The following ABCA13 variants were observed in gnomAD, a reference collection of about 807,000 sequenced individuals.
ABCA13 encodes the protein ATP binding cassette subfamily A member 13.
Under a neutral mutation model 478.7 loss-of-function variants are expected in ABCA13, and 476 were observed. The ratio of observed to expected loss-of-function variants is 0.99; its 90% CI spans 0.92 to 1.07. ABCA13 has a LOEUF of 1.07. Among genes scored for constraint, ABCA13 ranks in the 50% least tolerant of loss-of-function variants. The pLI is 0.00. For missense variants in ABCA13, 6,060 were observed against 5,910.6 expected, an observed-to-expected ratio of 1.03 and a Z score of -0.83; for synonymous variants, 2,252 against 2,158.9, an observed-to-expected ratio of 1.04 and a Z score of -1.20.
chr7:48,523,899 C>T (rs2130999713), intron 53 of ABCA13, among the ~76,000 whole-genome samples: 1 of 152,238 alleles, frequency 6.6e-6, no homozygotes, highest in East Asian at 1.9e-4. Flanking sequence ...GTAAAAAGCA[C>T]TTAATAAGTA....
intron 23 of ABCA13, among the ~76,000 whole-genome samples, chr7:48,305,075 T>G (rs1262939611): frequency 1.3e-5 from 2 of 152,260 alleles, no homozygotes; most frequent in African/African-American, 4.8e-5. Flanking sequence ...ACTGATAGGC[T>G]TCTTAGTAGT....
At chr7:48,222,591 T>C (rs969467671) in intron 5 of ABCA13, among the ~76,000 whole-genome samples, 1 of 152,136 alleles carries the variant, frequency 6.6e-6, no homozygotes, top group Admixed American at 6.6e-5. Flanking sequence ...ATAGTGAGTA[T>C]GGTATGTGGA....
intron 57 of ABCA13, among the ~76,000 whole-genome samples, chr7:48,590,580 G>A (rs867147940): frequency 1.1e-4 from 16 of 152,182 alleles, no homozygotes; most frequent in South Asian, 2.1e-4. Context: ...TCCATAATAT[G>A]TGTACATTTA....
chr7:48,193,019 C>G lies in ABCA13; in HGVS notation c.130C>G (p.Arg44Gly), dbSNP rs546968040. 1.3e-6 allele frequency: 2 copies of G among 1,529,296 alleles called. No individual in the cohort carries two copies. The highest frequency in any genetic ancestry group is 2.0e-5 in the Admixed American group (1 of 50,344). 94.7% of individuals were successfully genotyped at this position (1,529,296 alleles called of 1,614,324 possible). A position where few individuals can be genotyped will look rare whatever the true frequency, so the allele number is the denominator to read the frequency against. The change falls in exon 2 of 62, where the codon CGT (arginine) becomes GGT (glycine). Residue 44 changes from arginine (R) to glycine (G), a missense_variant. Transcript: ENST00000435803. Reference sequence around the variant, plus strand: ...CCTGTTTGTAATTCTGACAGTTCTTCGTTTTCAAGAACCTCCCAGATACAG... The same window carrying G: ...CCTGTTTGTAATTCTGACAGTTCTTGGTTTTCAAGAACCTCCCAGATACAG... ...CILFVILTVL[R>G]FQEPPRYRDI...
intron 33 of ABCA13, 65 bp downstream of exon 33, chr7:48,372,562 C>A: frequency 7.9e-7 from 1 of 1,261,448 alleles, no homozygotes; most frequent in Non-Finnish European, 1.1e-6. Context: ...TCTAACAAGA[C>A]AAAATCCCAC....
At position 48,506,354 on chromosome 7, in the gene ABCA13, A is replaced by C; in HGVS notation, c.13310A>C (p.His4437Pro). The change falls in exon 49 of 62, where the codon CAC becomes CCC. Residue 4437 changes from histidine (H) to proline (P), a missense_variant. By Grantham distance (77) the His-to-Pro change is moderately conservative (BLOSUM62 -2). This residue lies in a region of ABCA13 where 1,627 missense variants were observed against 1,571.0 expected (regional missense o/e 1.04). Coordinates refer to ENST00000435803, the MANE Select transcript of ABCA13 (RefSeq NM_152701.5). Reference sequence around the variant, plus strand: ...TTCACAGGAATAACACTCTACAGCCACCCATATGGAGGGGCCTTGCTGAAC... The same window carrying C: ...TTCACAGGAATAACACTCTACAGCCCCCCATATGGAGGGGCCTTGCTGAAC... ...WRQYGITLYS[H>P]PYGGALLNED... is the part of the protein sequence containing the mutation. 3 of 1,613,820 alleles carry C rather than the reference A, an allele frequency of 1.9e-6. No homozygotes were observed. Among genetic ancestry groups the C allele is most frequent in the Non-Finnish European group, 1.7e-6 (2 of 1,179,762 alleles).
At chr7:48,556,119 T>A (rs1409783704) in intron 55 of ABCA13, among the ~76,000 whole-genome samples, 1 of 151,936 alleles carries the variant, frequency 6.6e-6, no homozygotes, top group African/African-American at 2.4e-5. Flanking sequence ...TTTCCAAAAT[T>A]CTTCTTGTTC....
At chr7:48,450,593 A>G (rs1267388664) in intron 42 of ABCA13, among the ~76,000 whole-genome samples, 1 of 152,218 alleles carries the variant, frequency 6.6e-6, no homozygotes, top group East Asian at 1.9e-4. Flanking sequence ...TAGTAGTTTT[A>G]GCAAATTATC....
At chr7:48,502,920 T>G (rs1004175763) in intron 48 of ABCA13, among the ~76,000 whole-genome samples, 5 of 152,182 alleles carry the variant, frequency 3.3e-5, no homozygotes, top group African/African-American at 1.2e-4. Context: ...TTTCCTCTCC[T>G]CCTTTTTGCC....
chr7:48,436,595 A>G lies in ABCA13; in HGVS notation c.12565+8724A>G, dbSNP rs1175499321. Among the ~76,000 whole-genome samples the G allele has an allele frequency of 3.3e-5, 5 of 151,586 alleles. No homozygotes were observed. In the East Asian group the frequency reaches 9.6e-4, roughly 29 times the overall value. The stretch of plus-strand genomic sequence containing the variant: ...CTTTTTTCTTCTTTTCTTATTTTTT[A>G]AGGAATCATGTTAGAATGTTTACTT... On this transcript the variant is annotated intron_variant, in intron 42 of 61. Transcript: ENST00000435803.
rs575097952 is a variant in ABCA13, at chr7:48,513,221, C to A, written c.13640+2022C>A. Among the ~76,000 whole-genome samples, 36 of 152,252 alleles carry A rather than the reference C, an allele frequency of 2.4e-4. 1 individual carries two copies. In the South Asian group the frequency reaches 5.0e-3, roughly 21 times the overall value. On this transcript the variant is annotated intron_variant, in intron 51 of 61. Transcript: ENST00000435803. ...GGGCAAACTCAGGAAAGCTGAATCCCGAGCTGAAACCTAAGAGCACGTCCA... is the reference window on the plus strand; with the variant it reads ...GGGCAAACTCAGGAAAGCTGAATCCAGAGCTGAAACCTAAGAGCACGTCCA...
intron 20 of ABCA13, among the ~76,000 whole-genome samples, chr7:48,293,379 T>A (rs902004890): frequency 2.4e-4 from 36 of 152,222 alleles, no homozygotes; most frequent in African/African-American, 8.2e-4. Flanking sequence ...CAAGAGAAAT[T>A]GACAGTGGTT....
intron 5 of ABCA13, among the ~76,000 whole-genome samples, chr7:48,223,877 T>C (rs1787738876): frequency 6.7e-6 from 1 of 149,970 alleles, no homozygotes; most frequent in Non-Finnish European, 1.5e-5. Context: ...GAGAATTGCT[T>C]GAACCTGGGA....
chr7:48,621,944 T>C (rs373514924), intron 59 of ABCA13, among the ~76,000 whole-genome samples: 39 of 152,250 alleles, frequency 2.6e-4, no homozygotes, highest in East Asian at 1.7e-3. Flanking sequence ...TGTTCAAAAT[T>C]GGTAATTGAT....
intron 55 of ABCA13, among the ~76,000 whole-genome samples, chr7:48,553,688 T>TTGTTA (rs1417048860): frequency 1.3e-5 from 2 of 152,108 alleles, no homozygotes; most frequent in Admixed American, 1.3e-4. Flanking sequence ...CTGTTTGAAC[T>TTGTTA]TGTTATGTAT....
chr7:48,646,766 C>T lies in ABCA13; in HGVS notation c.*1254C>T, dbSNP rs1439028594. The stretch of plus-strand genomic sequence containing the variant: ...TATCTCCTGACCTTGTGATCCGCCC[C>T]CCTCCACCTCCCAAAGTGCTGGGAT... On this transcript the variant is annotated 3_prime_UTR_variant, in exon 62 of 62. Transcript: ENST00000435803. 2.6e-5 allele frequency: 4 copies of T among 152,086 alleles called. No individual in the cohort carries two copies. Among genetic ancestry groups the T allele is most frequent in the Non-Finnish European group, 5.9e-5 (4 of 68,048 alleles). The allele number at this position is 152,086 out of a possible 1,614,324, so 9.4% of individuals were successfully genotyped here. A position where few individuals can be genotyped will look rare whatever the true frequency, so the allele number is the denominator to read the frequency against.
intron 59 of ABCA13, among the ~76,000 whole-genome samples, chr7:48,633,203 A>G (rs541199274): frequency 3.3e-5 from 5 of 152,340 alleles, no homozygotes; most frequent in South Asian, 4.1e-4. Context: ...CTGTAGATAT[A>G]TATCTCAACT....
Position 48,275,694 on chromosome 7 carries a change from T to C in ABCA13, c.6028T>C (p.Ser2010Pro), listed in dbSNP as rs1238975368. Reference protein sequence around the residue: ...SNLERTVQLISEDWSLEKSTH... With the variant: ...SNLERTVQLIPEDWSLEKSTH... ...TTTGGAAAGGACAGTACAATTGATTTCTGAAGACTGGAGCCTAGAAAAAAG... is the reference window on the plus strand; with the variant it reads ...TTTGGAAAGGACAGTACAATTGATTCCTGAAGACTGGAGCCTAGAAAAAAG... Residue 2010 changes from serine to proline, a missense_variant, in exon 17 of 62, where the codon TCT becomes CCT. Transcript: ENST00000435803. 23 of 1,599,248 alleles carry C rather than the reference T, an allele frequency of 1.4e-5. No homozygotes were observed. Among genetic ancestry groups the C allele is most frequent in the Non-Finnish European group, 1.6e-5 (19 of 1,172,074 alleles).
Position 48,509,085 on chromosome 7 carries a change from G to A in ABCA13, c.13524+1036G>A, listed in dbSNP as rs145105494. ...AAGGATTCCCAAGGGCCTATCCTTC[G>A]AGATTCTATTCAGTAGGACTGGGGG... On this transcript the variant is annotated intron_variant, in intron 50 of 61. Coordinates refer to ENST00000435803, the MANE Select transcript of ABCA13 (RefSeq NM_152701.5). Among the ~76,000 whole-genome samples the A allele has an allele frequency of 2.0e-3, 301 of 152,222 alleles. 2 individuals carry two copies. The highest frequency in any genetic ancestry group is 6.6e-3 in the African/African-American group (276 of 41,538).
Sources: allele counts gnomAD v4.1 joint callset (sites outside exome capture counted in the v4.1 genomes callset), GRCh38; gene constraint gnomAD v4.1.1; regional missense constraint gnomAD v4.1.1; transcripts MANE v1.5; gene names NCBI Gene and HGNC (gene_info 2026-07-23, HGNC 2026-07-21).